Variants in PIGA observed in about 807,000 individuals in gnomAD.
PIGA encodes phosphatidylinositol N-acetylglucosaminyltransferase subunit A.
Under a neutral mutation model 17.1 loss-of-function variants are expected in PIGA, and 3 were observed. The observed-to-expected ratio is 0.18, with a 90% CI of 0.08 to 0.45. PIGA has a LOEUF of 0.45. Ranked by LOEUF, PIGA falls within the 20% of genes least tolerant of loss-of-function variation. The probability of loss-of-function intolerance (pLI) is 0.99; values close to 1 mark genes in which losing one functional copy is unlikely to be tolerated. For synonymous variants in PIGA, 126 were observed against 135.1 expected, an observed-to-expected ratio of 0.93 and a Z score of 0.47; for missense variants, 231 against 374.1, an observed-to-expected ratio of 0.62 and a Z score of 3.16.
intron 3 of PIGA, 165 bp downstream of exon 3, chrX:15,325,749 T>A (rs2147718284): frequency 3.1e-6 from 1 of 327,825 alleles, no homozygotes; most frequent in East Asian, 5.0e-5. Context: ...AGGTTTCCTA[T>A]TTATATAAAA....
intron 1 of PIGA, among the ~76,000 whole-genome samples, chrX:15,333,736 G>A (rs1370359597): frequency 4.5e-5 from 5 of 112,170 alleles, no homozygotes; most frequent in Admixed American, 9.4e-5. Context: ...CAAAGAGGGT[G>A]ATTATGTAAC....
At position 15,331,658 on chromosome X, in the gene PIGA, G is replaced by A. The variant is rs61730284; in HGVS notation, c.273C>T (p.Tyr91=). ...RYLTSGLKVY[Y]LPLKVMYNQS... ...GGTTGTACATGACTTTCAGAGGCAA[G>A]TAATAGACTTTGAGGCCACTGGTGA... Residue 91 remains tyrosine, a synonymous_variant, in exon 2 of 6, where the codon TAC becomes TAT. Coordinates refer to ENST00000333590, the MANE Select transcript of PIGA (RefSeq NM_002641.4). 513 of 1,210,021 alleles carry A rather than the reference G, an allele frequency of 4.2e-4. 1 individual carries two copies. Among genetic ancestry groups the A allele is most frequent in the Non-Finnish European group, 5.2e-4 (465 of 894,821 alleles).
At chrX:15,323,249 G>A (rs745759722) in intron 5 of PIGA, among the ~76,000 whole-genome samples, 2 of 111,575 alleles carry the variant, frequency 1.8e-5, no homozygotes, top group East Asian at 2.8e-4. Context: ...GGGTTTATAC[G>A]ATGTCAATGA....
intron 2 of PIGA, chrX:15,328,455 G>C (rs1399747260): frequency 8.9e-6 from 1 of 112,195 alleles, no homozygotes; most frequent in Non-Finnish European, 1.9e-5. Context: ...CATCCAAAAA[G>C]CCTGGATAAG....
chrX:15,324,624 G>A (rs765737309), intron 5 of PIGA, 41 bp downstream of exon 5: 9 of 999,183 alleles, frequency 9.0e-6, no homozygotes, highest in African/African-American at 1.9e-5. Context: ...GAAACATCAA[G>A]TAAGAGTTCA....
chrX:15,335,424 C>A, intron 1 of PIGA, 77 bp downstream of exon 1: 2 of 926,565 alleles, frequency 2.2e-6, no homozygotes, highest in Non-Finnish European at 2.7e-6. Flanking sequence ...CCACCCGCCA[C>A]GATCCCACGC....
intron 1 of PIGA, 82 bp from the exon 2 acceptor site, chrX:15,332,074 T>C: frequency 3.2e-6 from 2 of 628,455 alleles, no homozygotes; most frequent in Non-Finnish European, 4.4e-6. Flanking sequence ...ATTGTTTTAA[T>C]GTTAATGTAA....
chrX:15,322,687 G>C (rs755308548), intron 5 of PIGA, among the ~76,000 whole-genome samples: 4 of 111,831 alleles, frequency 3.6e-5, no homozygotes, highest in Non-Finnish European at 7.5e-5. Context: ...AACAGCCCTT[G>C]AAAGGTACGG....
At chrX:15,335,550 G>A (rs765282774), upstream of PIGA, 83 of 959,229 alleles carry the variant, frequency 8.7e-5, no homozygotes, top group Non-Finnish European at 1.1e-4. Context: ...GCTGCAGCCG[G>A]AGTCCCTCCC....
intron 3 of PIGA, 166 bp downstream of exon 3, chrX:15,325,748 A>G (rs1410908774): frequency 3.1e-6 from 1 of 324,237 alleles, no homozygotes; most frequent in African/African-American, 2.7e-5. Flanking sequence ...TAGGTTTCCT[A>G]TTTATATAAA....
chrX:15,334,876 A>G (rs1301399263), intron 1 of PIGA, among the ~76,000 whole-genome samples: 6 of 111,725 alleles, frequency 5.4e-5, no homozygotes, highest in Non-Finnish European at 9.4e-5. Flanking sequence ...TCTAGTGAAT[A>G]CCTCTCTCGT....
At chrX:15,334,604 G>A (rs1426421451) in intron 1 of PIGA, among the ~76,000 whole-genome samples, 1 of 111,692 alleles carries the variant, frequency 9.0e-6, no homozygotes, top group Non-Finnish European at 1.9e-5. Flanking sequence ...TGTACTTTTA[G>A]GTGGCTTAAC....
chrX:15,329,352 G>A (rs932684380), intron 2 of PIGA, among the ~76,000 whole-genome samples: 2 of 112,254 alleles, frequency 1.8e-5, no homozygotes, highest in African/African-American at 6.5e-5. Context: ...GATGAGGGGT[G>A]TCCTAAACTA....
At chrX:15,327,145 G>C (rs998259745) in intron 2 of PIGA, 1 of 108,757 alleles carries the variant, frequency 9.2e-6, no homozygotes, top group Non-Finnish European at 1.9e-5. Context: ...TGTAGTCCCA[G>C]CTACTCCGGA....
intron 2 of PIGA, among the ~76,000 whole-genome samples, chrX:15,329,574 T>G (rs1156930218): frequency 9.0e-6 from 1 of 111,627 alleles, no homozygotes; most frequent in African/African-American, 3.3e-5. Flanking sequence ...TATTAATATT[T>G]TGAGTTTAAT....
intron 2 of PIGA, chrX:15,326,879 G>A (rs1226707118): frequency 8.9e-6 from 1 of 112,135 alleles, no homozygotes; most frequent in East Asian, 2.8e-4. Flanking sequence ...GAAAAAGTGA[G>A]TGGCTATCCA....
At position 15,321,153 on chromosome X, in the gene PIGA, A is replaced by G. The variant is rs1449796075; in HGVS notation, c.*353T>C. On this transcript the variant is annotated 3_prime_UTR_variant, in exon 6 of 6. Coordinates refer to ENST00000333590, the MANE Select transcript of PIGA (RefSeq NM_002641.4). ...TCTGGTGAGTGTCTAATGGTGTTAC[A>G]TTAAAAACTGGCCAAAAAATGCCCA... is the stretch of plus-strand genomic sequence containing the variant. 3 of 150,070 alleles carry G rather than the reference A, an allele frequency of 2.0e-5. No individual in the cohort carries two copies. The highest frequency in any genetic ancestry group is 6.2e-5 in the African/African-American group (2 of 32,072). 12.4% of individuals were successfully genotyped at this position (150,070 alleles called of 1,213,427 possible). A position where few individuals can be genotyped will look rare whatever the true frequency, so the allele number is the denominator to read the frequency against.
At chrX:15,327,269 A>C (rs1186834199) in intron 2 of PIGA, 4 of 108,483 alleles carry the variant, frequency 3.7e-5, no homozygotes, top group Non-Finnish European at 5.7e-5. Context: ...AAAAAAAAAA[A>C]AACAAAAAAA....
chrX:15,325,688 C>G (rs897500914), intron 3 of PIGA: 1 of 247,534 alleles, frequency 4.0e-6, no homozygotes, highest in Non-Finnish European at 7.1e-6. Context: ...CCAACAATGG[C>G]CCCCCAAAGT....
Sources: gnomAD v4.1 joint callset for allele counts (sites outside exome capture counted in the v4.1 genomes callset) on GRCh38, gnomAD v4.1.1 for gene constraint, MANE v1.5 for transcripts, NCBI Gene and HGNC (gene_info 2026-07-23, HGNC 2026-07-21) for gene names.